The following FOSL1 variants were observed in gnomAD, a reference collection of about 807,000 sequenced individuals.
FOSL1 encodes the protein fos-related antigen 1.
Under a neutral mutation model 24.9 loss-of-function variants are expected in FOSL1, and 14 were observed. The observed-to-expected ratio is 0.56, with a 90% CI of 0.37 to 0.88. FOSL1 has a LOEUF of 0.88. Ranked by LOEUF, FOSL1 falls within the 40% of genes least tolerant of loss-of-function variation. FOSL1 has a pLI of 0.00. For missense variants in FOSL1, 318 were observed against 359.8 expected (o/e 0.88, Z 0.94); for synonymous variants, 133 against 145.1 (o/e 0.92, Z 0.60).
At chr11:65,900,166 G>A in intron 1 of FOSL1, 75 bp downstream of exon 1, 1 of 718,592 alleles carries the variant, frequency 1.4e-6, no homozygotes, top group South Asian at 6.9e-5. Context: ...CTCCAGTCCC[G>A]GAGCGTGCGG....
chr11:65,892,871 T>C lies in FOSL1; in HGVS notation c.*15A>G, dbSNP rs778946520. 6.2e-7 allele frequency: 1 copy of C among 1,607,094 alleles called. No homozygotes were observed. Among genetic ancestry groups the C allele is most frequent in the Non-Finnish European group, 8.5e-7 (1 of 1,178,254 alleles). The stretch of plus-strand genomic sequence containing the variant: ...TGGCTAGGGTGGCATCTGCAGGGAG[T>C]AGGGCTCAGGCGCCTCACAAAGCGA... On this transcript the variant is annotated 3_prime_UTR_variant, in exon 4 of 4. Coordinates refer to ENST00000312562, the MANE Select transcript of FOSL1 (RefSeq NM_005438.5).
At chr11:65,898,045 G>GTTTTTTTTTTTTTTT (rs71036252) in intron 1 of FOSL1, among the ~76,000 whole-genome samples, 12 of 101,838 alleles carry the variant, frequency 1.2e-4, no homozygotes, top group African/African-American at 3.2e-4. Flanking sequence ...TTTCTTTTCT[G>GTTTTTTTTTTTTTTT]TTTTTTTTTT....
At chr11:65,897,844 A>C (rs1222126769) in intron 1 of FOSL1, among the ~76,000 whole-genome samples, 2 of 149,678 alleles carry the variant, frequency 1.3e-5, no homozygotes, top group African/African-American at 4.9e-5. Flanking sequence ...AGAGGGGCTG[A>C]GGCAGGAAAG....
At chr11:65,894,280 A>T (rs1168378739) in intron 2 of FOSL1, among the ~76,000 whole-genome samples, 159 bp from the exon 3 acceptor site, 1 of 152,098 alleles carries the variant, frequency 6.6e-6, no homozygotes, top group Non-Finnish European at 1.5e-5. Context: ...CCCTGCACTG[A>T]GGCGCTGTCT....
intron 2 of FOSL1, 38 bp from the exon 3 acceptor site, chr11:65,894,159 A>C: frequency 6.7e-7 from 1 of 1,487,230 alleles, no homozygotes; most frequent in Non-Finnish European, 9.2e-7. Flanking sequence ...ACCCTGGGCT[A>C]CTGGCTGCCT....
At chr11:65,895,135 T>TC (rs1462163998) in intron 2 of FOSL1, among the ~76,000 whole-genome samples, 1 of 148,444 alleles carries the variant, frequency 6.7e-6, no homozygotes, top group Admixed American at 6.7e-5. Context: ...TTTTTTTTTT[T>TC]TTTTTTGAGA....
At chr11:65,898,962 G>GAAAAAAAAAA (rs745881086) in intron 1 of FOSL1, among the ~76,000 whole-genome samples, 33 of 31,006 alleles carry the variant, frequency 1.1e-3, no homozygotes, top group African/African-American at 1.8e-3. Flanking sequence ...CCCTGTCTCA[G>GAAAAAAAAAA]AAAAAAAAAA....
At chr11:65,897,249 A>G (rs11825070) in intron 1 of FOSL1, among the ~76,000 whole-genome samples, 3,554 of 152,274 alleles carry the variant, frequency 0.023, 130 homozygotes, top group African/African-American at 0.078. Context: ...ACATTTATAA[A>G]GCACAAACTG....
intron 2 of FOSL1, among the ~76,000 whole-genome samples, chr11:65,894,949 G>A (rs1565288405): frequency 6.7e-6 from 1 of 150,270 alleles, no homozygotes; most frequent in Non-Finnish European, 1.5e-5. Context: ...GAGCCACTGT[G>A]CTCGGCCTTT....
At chr11:65,897,345 C>CT (rs35205552) in intron 1 of FOSL1, among the ~76,000 whole-genome samples, 19,902 of 145,008 alleles carry the variant, frequency 0.14, 1,688 homozygotes, top group Admixed American at 0.26. Flanking sequence ...TCTTTTTTTT[C>CT]TTTTTTTTTT....
At position 65,896,883 on chromosome 11, in the gene FOSL1, G is replaced by C. The variant is rs1468032998; in HGVS notation, c.223C>G (p.Pro75Ala). 6.2e-7 allele frequency: 1 copy of C among 1,613,970 alleles called. No homozygotes were observed. The highest frequency in any genetic ancestry group is 8.5e-7 in the Non-Finnish European group (1 of 1,179,864). Residue 75 changes from proline (P) to alanine (A), a missense_variant, in exon 2 of 4, where the codon CCC (proline) becomes GCC (alanine). By Grantham distance (27) the Pro-to-Ala change is conservative (BLOSUM62 -1). Coordinates refer to ENST00000312562, the MANE Select transcript of FOSL1 (RefSeq NM_005438.5). ...PRPLTYPQYSPPQPRPGVIRA... is the reference protein window; with the variant it reads ...PRPLTYPQYSAPQPRPGVIRA... ...ATGACTCCTGGCCGGGGTTGTGGGGGGCTGTACTGAGGGTAGGTCAGAGGC... is the reference window on the plus strand; with the variant it reads ...ATGACTCCTGGCCGGGGTTGTGGGGCGCTGTACTGAGGGTAGGTCAGAGGC...
chr11:65,898,304 G>A (rs552626300), intron 1 of FOSL1, among the ~76,000 whole-genome samples: 4 of 152,278 alleles, frequency 2.6e-5, no homozygotes, highest in Non-Finnish European at 5.9e-5. Context: ...GCCTCCCACA[G>A]TGCTGGGATT....
chr11:65,898,043 C>CCGTT lies in FOSL1; in HGVS notation c.100-1038_100-1037insAACG, dbSNP rs1416098633. On this transcript the variant is annotated intron_variant, in intron 1 of 3. Transcript: ENST00000312562. ...ATTTGGCTAATTTTTTTTTTCTTTT[C>CCGTT]TGTTTTTTTTTTTTTGAGACACAGT... 1.0e-4 allele frequency among the ~76,000 whole-genome samples: 8 copies of CCGTT among 79,668 alleles called. 2 individuals are homozygous for CCGTT. Among genetic ancestry groups the CCGTT allele is most frequent in the Non-Finnish European group, 1.3e-4 (6 of 44,544 alleles). The allele number at this position is 79,668 out of a possible 152,430, so 52.3% of individuals were successfully genotyped here.
intron 1 of FOSL1, among the ~76,000 whole-genome samples, chr11:65,897,321 C>T (rs1860552712): frequency 6.6e-6 from 1 of 151,858 alleles, no homozygotes; most frequent in Non-Finnish European, 1.5e-5. Context: ...GTAATATCTT[C>T]ATTTTCTTTT....
chr11:65,892,354 G>A lies in FOSL1; in HGVS notation c.*532C>T, dbSNP rs543925907. The A allele has an allele frequency of 7.0e-6, 2 of 287,350 alleles. No homozygotes were observed. The highest frequency in any genetic ancestry group is 1.0e-4 in the East Asian group (1 of 9,528). The allele number at this position is 287,350 out of a possible 1,614,324, so 17.8% of individuals were successfully genotyped here. On this transcript the variant is annotated 3_prime_UTR_variant, in exon 4 of 4. Transcript: ENST00000312562. ...TGAAGGCTTCTCAAAGCTGAGATCCGCAGATCAGCTCATCACAGAAGCCAA... is the reference window on the plus strand; with the variant it reads ...TGAAGGCTTCTCAAAGCTGAGATCCACAGATCAGCTCATCACAGAAGCCAA...
rs1565286816 is a variant in FOSL1 at position 65,892,917 on chromosome 11, G to A, written c.785C>T (p.Pro262Leu). The A allele has an allele frequency of 1.9e-6, 3 of 1,612,114 alleles. No homozygotes were observed. Among genetic ancestry groups the A allele is most frequent in the African/African-American group, 2.7e-5 (2 of 74,970 alleles). The change falls in exon 4 of 4, where the codon CCC (proline) becomes CTC (leucine). Residue 262 changes from proline to leucine, a missense_variant. Transcript: ENST00000312562. ...SSSSGDPSSD[P>L]LGSPTLLAL The stretch of plus-strand genomic sequence containing the variant: ...AGCGAGGAGGGTTGGAGAGCCAAGG[G>A]GGTCAGAGGATGGGTCTCCGCTGCT...
At chr11:65,893,442 C>A in intron 3 of FOSL1, 146 bp from the exon 4 acceptor site, 1 of 641,562 alleles carries the variant, frequency 1.6e-6, no homozygotes, top group East Asian at 2.7e-5. Flanking sequence ...TGGACTACAA[C>A]TCCCATAAGC....
chr11:65,900,133 C>G, intron 1 of FOSL1, 108 bp downstream of exon 1: 1 of 515,940 alleles, frequency 1.9e-6, no homozygotes, highest in East Asian at 3.6e-5. Flanking sequence ...AGCCCCCAGC[C>G]CGGCCCCGAC....
At chr11:65,898,909 T>A (rs1169803784) in intron 1 of FOSL1, among the ~76,000 whole-genome samples, 1 of 148,144 alleles carries the variant, frequency 6.8e-6, no homozygotes, top group Non-Finnish European at 1.5e-5. Context: ...TGCAGTGAGC[T>A]GTGATTGCAC....
Sources: gnomAD v4.1 joint callset for allele counts (sites outside exome capture counted in the v4.1 genomes callset) on GRCh38, gnomAD v4.1.1 for gene constraint, MANE v1.5 for transcripts, NCBI Gene and HGNC (gene_info 2026-07-23, HGNC 2026-07-21) for gene names.